Variants in ADGRB3 observed in about 807,000 individuals in gnomAD.
The protein encoded by ADGRB3 is adhesion G protein-coupled receptor B3.
Under a neutral mutation model 193.4 loss-of-function variants are expected in ADGRB3, and 37 were observed. The observed-to-expected ratio is 0.19, with a 90% CI of 0.15 to 0.25. The LOEUF (loss-of-function observed/expected upper bound fraction) is 0.25. ADGRB3 is among the 10% of genes least tolerant of loss of function. ADGRB3 has a pLI of 1.00. For missense variants in ADGRB3, 1,637 were observed against 1,852.9 expected (o/e 0.88, Z 2.14); for synonymous variants, 690 against 644.2 (o/e 1.07, Z -1.08).
chr6:68,902,407 C>T lies in ADGRB3; in HGVS notation c.758-28152C>T, dbSNP rs116783161. On this transcript the variant is annotated intron_variant, in intron 3 of 31. Transcript: ENST00000370598. ...AGTGATTTTCATTTATCTTTCATTA[C>T]GCAAGAAACAGTAGACTAGAAACTG... Among the ~76,000 whole-genome samples, 455 of 151,896 alleles carry T rather than the reference C, an allele frequency of 3.0e-3. 3 individuals carry two copies. Among genetic ancestry groups the T allele is most frequent in the African/African-American group, 9.1e-3 (376 of 41,464 alleles).
rs573348273 is a variant in ADGRB3 at position 69,109,516 on chromosome 6, A to G, written c.2480+33478A>G. ...TACTAGAAAACATGCCTTCAACTTC[A>G]CATTCATTGTCTTATTTAACTCAAA... On this transcript the variant is annotated intron_variant, in intron 17 of 31. Transcript: ENST00000370598. Among the ~76,000 whole-genome samples, 270 of 152,354 alleles carry G rather than the reference A, an allele frequency of 1.8e-3. No homozygotes were observed. The Middle Eastern group carries it at 0.024, about 13-fold the overall frequency.
rs1455005768 is a variant in ADGRB3 at position 69,339,396 on chromosome 6, T to C, written c.3351T>C (p.Val1117=). The C allele has an allele frequency of 6.2e-7, 1 of 1,614,084 alleles. No homozygotes were observed. The highest frequency in any genetic ancestry group is 2.2e-5 in the East Asian group (1 of 44,880). ...PLLALTWMSA[V]LAMTDKRSIL... ...TGGCTTTGACGTGGATGTCTGCGGT[T>C]CTGGCCATGACAGATAAACGCTCCA... Residue 1117 remains valine, a synonymous_variant, in exon 26 of 32, where the codon GTT becomes GTC. Transcript: ENST00000370598.
chr6:69,088,106 T>C (rs994380), intron 17 of ADGRB3, among the ~76,000 whole-genome samples: 102,869 of 151,988 alleles, frequency 0.68, 35,776 homozygotes, highest in East Asian at 0.96. Flanking sequence ...TCCTATATGA[T>C]CCATTTCACT....
chr6:69,265,033 T>A (rs1276816279), intron 20 of ADGRB3, among the ~76,000 whole-genome samples: 2 of 151,928 alleles, frequency 1.3e-5, no homozygotes, highest in African/African-American at 4.8e-5. Flanking sequence ...GCAAATTCTC[T>A]TACTGAAATC....
At chr6:69,219,461 G>GTA (rs3839475) in intron 17 of ADGRB3, among the ~76,000 whole-genome samples, 13,251 of 98,148 alleles carry the variant, frequency 0.14, 1,491 homozygotes, top group East Asian at 0.41. Flanking sequence ...ACACACACAC[G>GTA]TATATATATA....
chr6:68,878,868 A>G (rs1765659230), intron 3 of ADGRB3, among the ~76,000 whole-genome samples: 1 of 152,204 alleles, frequency 6.6e-6, no homozygotes, highest in Non-Finnish European at 1.5e-5. Context: ...CCTTACATGG[A>G]TGGCAGCAGG....
At chr6:68,931,104 A>T (rs1767324736) in intron 4 of ADGRB3, among the ~76,000 whole-genome samples, 1 of 152,014 alleles carries the variant, frequency 6.6e-6, no homozygotes. Flanking sequence ...AATTATTGTT[A>T]AAATGCACAG....
chr6:68,748,671 T>C (rs1766132243), intron 3 of ADGRB3, among the ~76,000 whole-genome samples: 1 of 152,068 alleles, frequency 6.6e-6, no homozygotes, highest in South Asian at 2.1e-4. Flanking sequence ...AGTCAGTGGA[T>C]CTACCATTCT....
intron 3 of ADGRB3, among the ~76,000 whole-genome samples, chr6:68,875,416 A>T (rs545085): frequency 0.22 from 33,643 of 151,368 alleles, 4,267 homozygotes; most frequent in East Asian, 0.58. Context: ...CATTGCAGAT[A>T]GAAACAGATG....
intron 13 of ADGRB3, among the ~76,000 whole-genome samples, chr6:69,043,330 AAG>A (rs796671567): frequency 6.8e-6 from 1 of 147,142 alleles, no homozygotes; most frequent in African/African-American, 2.5e-5. Flanking sequence ...GAAAGAAAGA[AAG>A]AGAAAGAAAA....
intron 3 of ADGRB3, among the ~76,000 whole-genome samples, chr6:68,767,627 G>T (rs1707841466): frequency 6.6e-6 from 1 of 152,036 alleles, no homozygotes; most frequent in Non-Finnish European, 1.5e-5. Context: ...TTGAAAACTG[G>T]CACAAGACAA....
intron 17 of ADGRB3, among the ~76,000 whole-genome samples, chr6:69,216,766 G>T (rs1765779772): frequency 6.6e-6 from 1 of 152,224 alleles, no homozygotes; most frequent in Admixed American, 6.5e-5. Context: ...GTTGTAGAGT[G>T]ACAGTGATTA....
chr6:69,031,030 T>TTC (rs1770644142), intron 13 of ADGRB3, among the ~76,000 whole-genome samples: 6 of 64,926 alleles, frequency 9.2e-5, no homozygotes, highest in African/African-American at 3.8e-4. Flanking sequence ...TTTTTTCCTC[T>TTC]TCTCTTCTCT....
chr6:68,852,211 A>T (rs1474440691), intron 3 of ADGRB3, among the ~76,000 whole-genome samples: 2 of 151,880 alleles, frequency 1.3e-5, no homozygotes, highest in Non-Finnish European at 2.9e-5. Flanking sequence ...GAGTGTCCAG[A>T]TTTATCCATT....
At chr6:69,354,526 C>T (rs1481497085) in intron 27 of ADGRB3, among the ~76,000 whole-genome samples, 198 bp downstream of exon 27, 1 of 152,066 alleles carries the variant, frequency 6.6e-6, no homozygotes, top group Non-Finnish European at 1.5e-5. Flanking sequence ...TGTTGGCTCC[C>T]TGGGGTGTTG....
intron 3 of ADGRB3, among the ~76,000 whole-genome samples, chr6:68,706,438 A>T (rs1181619768): frequency 6.6e-6 from 1 of 152,206 alleles, no homozygotes; most frequent in Non-Finnish European, 1.5e-5. Flanking sequence ...AAAGCTTGTT[A>T]CGAATAATGG....
intron 3 of ADGRB3, among the ~76,000 whole-genome samples, chr6:68,718,704 G>T (rs1049624083): frequency 2.0e-5 from 3 of 151,670 alleles, no homozygotes; most frequent in Non-Finnish European, 4.4e-5. Flanking sequence ...GACTTTGCAC[G>T]TACAGCATTT....
chr6:69,329,218 A>G (rs1207214345), intron 22 of ADGRB3, among the ~76,000 whole-genome samples: 1 of 152,166 alleles, frequency 6.6e-6, no homozygotes, highest in East Asian at 1.9e-4. Flanking sequence ...ATTTAGTGGC[A>G]GTCTTAGAGA....
rs189911395 is a variant in ADGRB3 at position 68,725,814 on chromosome 6, C to G, written c.757+86382C>G. Among the ~76,000 whole-genome samples the G allele has an allele frequency of 1.3e-4, 20 of 151,550 alleles. No individual in the cohort carries two copies. In the East Asian group the frequency reaches 3.9e-3, roughly 30 times the overall value. On this transcript the variant is annotated intron_variant, in intron 3 of 31. Coordinates refer to ENST00000370598, the MANE Select transcript of ADGRB3 (RefSeq NM_001704.3). ...AGATCACAGAGTGAACAAGGGGGACCATTGACAGATGTTTAAAGGAGGGCC... is the reference window on the plus strand; with the variant it reads ...AGATCACAGAGTGAACAAGGGGGACGATTGACAGATGTTTAAAGGAGGGCC...
Sources: gnomAD v4.1 joint callset for allele counts (sites outside exome capture counted in the v4.1 genomes callset) on GRCh38, gnomAD v4.1.1 for gene constraint, MANE v1.5 for transcripts, NCBI Gene and HGNC (gene_info 2026-07-23, HGNC 2026-07-21) for gene names.